GRID2: variants seen among roughly 807,000 people sequenced by gnomAD.
GRID2 encodes the protein glutamate ionotropic receptor delta type subunit 2, also known as glutamate receptor ionotropic, delta-2.
In GRID2, 33 loss-of-function variants were observed where a neutral mutation model predicts 114.8. That is an observed-to-expected ratio of 0.29 (90% CI 0.22 to 0.38). The LOEUF is 0.38. GRID2 is among the 10% of genes least tolerant of loss of function. GRID2 has a pLI of 1.00. For missense variants in GRID2, 1,184 were observed against 1,257.7 expected (o/e 0.94, Z 0.89); for synonymous variants, 505 against 449.9 (o/e 1.12, Z -1.55).
intron 12 of GRID2, among the ~76,000 whole-genome samples, chr4:93,492,983 G>A (rs1486582415): frequency 1.3e-5 from 2 of 151,742 alleles, no homozygotes; most frequent in African/African-American, 2.4e-5. Context: ...CTACATATAA[G>A]TGATATCATA....
At chr4:93,308,146 C>T (rs890142088) in intron 8 of GRID2, among the ~76,000 whole-genome samples, 8 of 152,192 alleles carry the variant, frequency 5.3e-5, no homozygotes. Flanking sequence ...TTTCTACCCT[C>T]AGTGCTCCTA....
At chr4:93,194,396 T>C (rs529138240) in intron 4 of GRID2, among the ~76,000 whole-genome samples, 3 of 152,190 alleles carry the variant, frequency 2.0e-5, no homozygotes, top group Non-Finnish European at 4.4e-5. Context: ...TTTTCAGATA[T>C]GCTATTTTCT....
At chr4:92,464,482 A>T (rs2149090373) in intron 1 of GRID2, among the ~76,000 whole-genome samples, 1 of 152,212 alleles carries the variant, frequency 6.6e-6, no homozygotes, top group South Asian at 2.1e-4. Flanking sequence ...AGTAGACTGG[A>T]AGTATTAGGC....
intron 1 of GRID2, among the ~76,000 whole-genome samples, chr4:92,324,057 A>G (rs1726465173): frequency 6.6e-6 from 1 of 152,004 alleles, no homozygotes; most frequent in Non-Finnish European, 1.5e-5. Flanking sequence ...GCTCTACTAT[A>G]TTGTATTAGA....
At chr4:93,120,192 C>T (rs868746683) in intron 4 of GRID2, among the ~76,000 whole-genome samples, 10 of 152,220 alleles carry the variant, frequency 6.6e-5, no homozygotes, top group African/African-American at 2.2e-4. Context: ...TGTGGTGATT[C>T]CTCAAGGATC....
At chr4:93,701,713 G>T (rs1727524302) in intron 14 of GRID2, among the ~76,000 whole-genome samples, 1 of 151,986 alleles carries the variant, frequency 6.6e-6, no homozygotes, top group South Asian at 2.1e-4. Flanking sequence ...TAAAAGGCAG[G>T]TGTGGTGGCA....
downstream of GRID2, among the ~76,000 whole-genome samples, chr4:93,779,444 T>C (rs1051436528): frequency 5.3e-5 from 8 of 152,122 alleles, no homozygotes; most frequent in African/African-American, 1.9e-4. Context: ...CATTTCCTCA[T>C]GGTGGCCGGG....
chr4:93,799,618 T>G (rs1260247691), intron 1 of GRID2, among the ~76,000 whole-genome samples: 4 of 152,202 alleles, frequency 2.6e-5, no homozygotes, highest in Non-Finnish European at 5.9e-5. Context: ...ATTACATTAT[T>G]GAACAATTCC....
In GRID2 at chr4:92,669,634, T is replaced by C. The variant is rs531337457; in HGVS notation, c.244+79348T>C. ...CAGAGTTGCAAATCAAAAGCCATTA[T>C]ACACCTATTCCATGTGGGGCCAACT... On this transcript the variant is annotated intron_variant, in intron 2 of 15. Transcript: ENST00000282020. Among the ~76,000 whole-genome samples the C allele has an allele frequency of 2.6e-5, 4 of 152,130 alleles. No homozygotes were observed. The East Asian group carries it at 7.7e-4, about 29-fold the overall frequency.
At chr4:93,319,120 C>A (rs1467433901) in intron 8 of GRID2, among the ~76,000 whole-genome samples, 1 of 151,990 alleles carries the variant, frequency 6.6e-6, no homozygotes. Flanking sequence ...CTGATTACAG[C>A]ACACTACTTA....
At chr4:92,922,123 C>A (rs574375319) in intron 2 of GRID2, among the ~76,000 whole-genome samples, 43 of 152,178 alleles carry the variant, frequency 2.8e-4, no homozygotes, top group African/African-American at 1.0e-3. Context: ...AGTGAGGCTC[C>A]GTGGGTGTAG....
chr4:92,509,853 T>TA (rs1449059353), intron 1 of GRID2, among the ~76,000 whole-genome samples: 1 of 151,872 alleles, frequency 6.6e-6, no homozygotes, highest in Non-Finnish European at 1.5e-5. Context: ...GATCATACTT[T>TA]AAAAAATAGA....
At chr4:92,525,646 G>C (rs949816434) in intron 1 of GRID2, among the ~76,000 whole-genome samples, 8 of 152,092 alleles carry the variant, frequency 5.3e-5, no homozygotes, top group Admixed American at 5.2e-4. Flanking sequence ...ACTGGAGTCT[G>C]TAAGAGGAAT....
intron 1 of GRID2, among the ~76,000 whole-genome samples, chr4:93,804,873 T>TATTA (rs1393811431): frequency 6.6e-6 from 1 of 152,218 alleles, no homozygotes. Flanking sequence ...CTACTATATC[T>TATTA]ATTAGTCTTC....
chr4:92,797,552 A>G (rs1322318971), intron 2 of GRID2, among the ~76,000 whole-genome samples: 1 of 151,870 alleles, frequency 6.6e-6, no homozygotes, highest in Non-Finnish European at 1.5e-5. Context: ...AAAAGTTTTA[A>G]CTCTTTCAAT....
At chr4:92,966,554 A>T (rs915464030) in intron 2 of GRID2, among the ~76,000 whole-genome samples, 2 of 151,818 alleles carry the variant, frequency 1.3e-5, no homozygotes, top group African/African-American at 4.8e-5. Flanking sequence ...AGGTGGAAAT[A>T]ATTGAACCAT....
chr4:93,534,444 A>G (rs1221756930), intron 13 of GRID2, among the ~76,000 whole-genome samples: 1 of 152,068 alleles, frequency 6.6e-6, no homozygotes, highest in African/African-American at 2.4e-5. Flanking sequence ...CTATTCTCTT[A>G]GCAAATTTTC....
At chr4:93,748,491 T>C (rs1012146698) in intron 14 of GRID2, among the ~76,000 whole-genome samples, 1 of 151,790 alleles carries the variant, frequency 6.6e-6, no homozygotes, top group Non-Finnish European at 1.5e-5. Flanking sequence ...CCTTGGAGAG[T>C]TTTAGGAAGG....
intron 1 of GRID2, among the ~76,000 whole-genome samples, chr4:92,588,882 C>T (rs555854198): frequency 3.4e-4 from 52 of 152,010 alleles, no homozygotes; most frequent in Middle Eastern, 6.8e-3. Context: ...GCAAGTGGAT[C>T]ACGTGAGGTC....
Sources: allele counts gnomAD v4.1 joint callset (sites outside exome capture counted in the v4.1 genomes callset), GRCh38; gene constraint gnomAD v4.1.1; transcripts MANE v1.5; gene names NCBI Gene and HGNC (gene_info 2026-07-23, HGNC 2026-07-21).